Variants in CNBD1 observed in about 807,000 individuals in gnomAD.
CNBD1 encodes the protein cyclic nucleotide binding domain containing 1, also known as cyclic nucleotide-binding domain-containing protein 1.
CNBD1 carries 71 observed loss-of-function variants against 54.4 expected under a neutral mutation model. The observed-to-expected ratio is 1.30, with a 90% CI of 1.08 to 1.59. The LOEUF is 1.59. Ranked by LOEUF, CNBD1 falls within the 40% of genes most tolerant of loss-of-function variation. CNBD1 has a pLI of 0.00. For synonymous variants in CNBD1, 182 were observed against 170.7 expected (o/e 1.07, Z -0.51); for missense variants, 659 against 518.0 (o/e 1.27, Z -2.64).
intron 4 of CNBD1, among the ~76,000 whole-genome samples, chr8:87,053,166 G>A (rs75400753): frequency 0.031 from 4,698 of 152,282 alleles, 239 homozygotes; most frequent in African/African-American, 0.11. Flanking sequence ...ATTGTGCAAT[G>A]CTTACAAAGA....
chr8:86,988,172 C>A (rs1186736079), intron 4 of CNBD1, among the ~76,000 whole-genome samples: 2 of 137,666 alleles, frequency 1.5e-5, no homozygotes, highest in African/African-American at 2.7e-5. Flanking sequence ...ATTACTGATT[C>A]AATTTTGAAA....
At position 87,237,099 on chromosome 8, in the gene CNBD1, C is replaced by T. The variant is rs759171306; in HGVS notation, c.758C>T (p.Ser253Leu). The change falls in exon 6 of 11, where the codon TCA becomes TTA. Residue 253 changes from serine to leucine, a missense_variant. By Grantham distance (145) the Ser-to-Leu change is moderately radical. Transcript: ENST00000518476. ...NSTLAEMYLP[S>L]YDSMLSKWST... is the part of the protein sequence containing the mutation. ...ACACTTGCTGAGATGTACCTACCTT[C>T]ATATGACTCAATGGTAAGAGATGAG... 1 of 1,602,642 alleles carries T rather than the reference C, an allele frequency of 6.2e-7. No individual in the cohort carries two copies. Among genetic ancestry groups the T allele is most frequent in the Admixed American group, 1.7e-5 (1 of 58,998 alleles).
chr8:87,106,852 C>T (rs1433905386), intron 4 of CNBD1, among the ~76,000 whole-genome samples: 1 of 152,044 alleles, frequency 6.6e-6, no homozygotes, highest in Non-Finnish European at 1.5e-5. Context: ...TATTTTGAGA[C>T]CAGGTTTCTC....
At chr8:86,904,381 A>G (rs932870560) in intron 2 of CNBD1, among the ~76,000 whole-genome samples, 1 of 152,060 alleles carries the variant, frequency 6.6e-6, no homozygotes, top group Non-Finnish European at 1.5e-5. Flanking sequence ...TTTTCCAGAA[A>G]CAAATATCAT....
At chr8:87,246,652 G>T (rs555485826) in intron 6 of CNBD1, among the ~76,000 whole-genome samples, 16 of 151,978 alleles carry the variant, frequency 1.1e-4, no homozygotes, top group Non-Finnish European at 1.9e-4. Context: ...TTTCCATCCT[G>T]TCCCTTTTAG....
rs1194105454 is a variant in CNBD1 at position 87,166,217 on chromosome 8, A to G, written c.432-39776A>G. 2.6e-5 allele frequency among the ~76,000 whole-genome samples: 4 copies of G among 151,944 alleles called. No individual in the cohort carries two copies. The highest frequency in any genetic ancestry group is 6.6e-5 in the Admixed American group (1 of 15,212). Reference sequence around the variant, plus strand: ...TGAGTAAGTGACAAACCTAAGCATCATACTTGATGCTCATACATTCTGTCC... The same window carrying G: ...TGAGTAAGTGACAAACCTAAGCATCGTACTTGATGCTCATACATTCTGTCC... On this transcript the variant is annotated intron_variant, in intron 4 of 10. Transcript: ENST00000518476. The surrounding 1 kb of genome is among the most constrained non-coding windows in gnomAD (Gnocchi z 4.3).
chr8:86,915,012 A>G (rs1809161022), intron 3 of CNBD1, among the ~76,000 whole-genome samples: 1 of 152,246 alleles, frequency 6.6e-6, no homozygotes, highest in African/African-American at 2.4e-5. Context: ...TAATACACGC[A>G]GAGCCACCTG....
At chr8:87,082,332 C>T (rs1811012899) in intron 4 of CNBD1, among the ~76,000 whole-genome samples, 1 of 152,172 alleles carries the variant, frequency 6.6e-6, no homozygotes, top group African/African-American at 2.4e-5. Flanking sequence ...CCACCCCTAT[C>T]TCCCTTTGCT....
chr8:87,255,850 G>A (rs1807997226), intron 6 of CNBD1, among the ~76,000 whole-genome samples: 1 of 149,284 alleles, frequency 6.7e-6, no homozygotes, highest in Admixed American at 6.7e-5. Flanking sequence ...TGAGAATTCA[G>A]TGAGTCTTGA....
At chr8:86,890,285 T>C (rs1490304208) in intron 2 of CNBD1, among the ~76,000 whole-genome samples, 1 of 152,056 alleles carries the variant, frequency 6.6e-6, no homozygotes, top group Non-Finnish European at 1.5e-5. Flanking sequence ...ACCATTCTAC[T>C]CTCTGCTTCC....
chr8:87,230,370 A>C (rs1814652733), intron 5 of CNBD1, among the ~76,000 whole-genome samples: 1 of 152,158 alleles, frequency 6.6e-6, no homozygotes, highest in African/African-American at 2.4e-5. Context: ...TTGTTTATAA[A>C]ATCTATAAAA....
intron 8 of CNBD1, among the ~76,000 whole-genome samples, chr8:87,334,880 T>A (rs1050810071): frequency 1.7e-4 from 26 of 151,964 alleles, no homozygotes; most frequent in African/African-American, 6.0e-4. Flanking sequence ...CCCACCACCA[T>A]GCCCAGCTAA....
intron 9 of CNBD1, among the ~76,000 whole-genome samples, chr8:87,353,399 A>G (rs1416701744): frequency 3.3e-5 from 5 of 152,222 alleles, no homozygotes; most frequent in African/African-American, 1.2e-4. Context: ...TGTGGATTCT[A>G]AAGGACAATG....
intron 4 of CNBD1, among the ~76,000 whole-genome samples, chr8:86,967,827 T>C (rs1200982200): frequency 6.6e-6 from 1 of 151,498 alleles, no homozygotes; most frequent in Non-Finnish European, 1.5e-5. Flanking sequence ...TAACCTGCAG[T>C]TTTGTTGTTG....
chr8:86,971,359 A>T (rs148640093), intron 4 of CNBD1, among the ~76,000 whole-genome samples: 1 of 152,136 alleles, frequency 6.6e-6, no homozygotes, highest in African/African-American at 2.4e-5. Flanking sequence ...TCATGATTCA[A>T]TTGCCTCCCA....
At chr8:87,246,534 TAAAC>T (rs1807807915) in intron 6 of CNBD1, among the ~76,000 whole-genome samples, 1 of 152,278 alleles carries the variant, frequency 6.6e-6, no homozygotes, top group African/African-American at 2.4e-5. Flanking sequence ...GCTAATGACT[TAAAC>T]AATAAGAATA....
intron 4 of CNBD1, among the ~76,000 whole-genome samples, chr8:86,956,041 C>T (rs945918307): frequency 6.6e-6 from 1 of 152,232 alleles, no homozygotes; most frequent in East Asian, 1.9e-4. Context: ...TTTCAGCTTT[C>T]TACATATGGC....
intron 8 of CNBD1, among the ~76,000 whole-genome samples, chr8:87,347,666 G>A (rs1810201193): frequency 6.6e-6 from 1 of 152,078 alleles, no homozygotes; most frequent in Non-Finnish European, 1.5e-5. Context: ...GAAAGATGAG[G>A]TAAATGTATG....
intron 4 of CNBD1, among the ~76,000 whole-genome samples, chr8:87,054,949 G>T (rs1241892006): frequency 6.6e-6 from 1 of 152,228 alleles, no homozygotes; most frequent in Non-Finnish European, 1.5e-5. Flanking sequence ...TGATGGGCCA[G>T]TGTGTTTTTT....
Sources: gnomAD v4.1 joint callset for allele counts (sites outside exome capture counted in the v4.1 genomes callset) on GRCh38, gnomAD v4.1.1 for gene constraint, Gnocchi (gnomAD v3.1) non-coding constraint, MANE v1.5 for transcripts, NCBI Gene and HGNC (gene_info 2026-07-23, HGNC 2026-07-21) for gene names.